Variants in CFAP299 observed in about 807,000 individuals in gnomAD.
CFAP299 encodes cilia- and flagella-associated protein 299.
CFAP299 carries 21 observed loss-of-function variants against 27.0 expected under a neutral mutation model. That is an observed-to-expected ratio of 0.78 (90% CI 0.55 to 1.12). CFAP299 has a LOEUF of 1.12. Ranked by LOEUF, CFAP299 falls within the 50% of genes most tolerant of loss-of-function variation. The pLI, the probability that CFAP299 is intolerant of heterozygous loss-of-function variation, is 0.00. For synonymous variants in CFAP299, 104 were observed against 98.1 expected (o/e 1.06, Z -0.36); for missense variants, 310 against 276.6 (o/e 1.12, Z -0.86).
At chr4:80,909,150 T>C (rs1735341857) in intron 4 of CFAP299, among the ~76,000 whole-genome samples, 1 of 152,102 alleles carries the variant, frequency 6.6e-6, no homozygotes, top group Admixed American at 6.6e-5. Flanking sequence ...GTTGTGAATT[T>C]GAATTCAGAT....
chr4:80,410,534 A>G (rs1478185873), intron 2 of CFAP299, among the ~76,000 whole-genome samples: 2 of 152,134 alleles, frequency 1.3e-5, no homozygotes, highest in African/African-American at 2.4e-5. Context: ...GGTATCTCTG[A>G]TCTCCTCCTA....
chr4:80,884,712 T>TAA (rs199910933), intron 4 of CFAP299, among the ~76,000 whole-genome samples: 5,447 of 140,478 alleles, frequency 0.039, 235 homozygotes, highest in African/African-American at 0.11. Flanking sequence ...TTATAAAAAA[T>TAA]AAAATAAACA....
intron 4 of CFAP299, among the ~76,000 whole-genome samples, chr4:80,937,308 C>CTTTTTTTTTTT (rs1736948672): frequency 2.2e-5 from 2 of 90,818 alleles, no homozygotes; most frequent in Non-Finnish European, 4.2e-5. Context: ...CTTTTTTTTT[C>CTTTTTTTTTTT]TTTCTTTTTT....
chr4:80,352,709 A>T (rs1263499117), intron 1 of CFAP299, among the ~76,000 whole-genome samples: 1 of 119,666 alleles, frequency 8.4e-6, no homozygotes, highest in South Asian at 3.0e-4. Context: ...GAAATCATAC[A>T]AAAGTATATT....
At chr4:80,853,142 T>C (rs1304434695) in intron 3 of CFAP299, among the ~76,000 whole-genome samples, 1 of 152,210 alleles carries the variant, frequency 6.6e-6, no homozygotes, top group Admixed American at 6.6e-5. Context: ...TTAATTCTCC[T>C]GTCTCAGCCT....
At chr4:80,821,100 A>G (rs1729679777) in intron 3 of CFAP299, among the ~76,000 whole-genome samples, 2 of 152,200 alleles carry the variant, frequency 1.3e-5, no homozygotes, top group Non-Finnish European at 2.9e-5. Flanking sequence ...CAATTGCACT[A>G]AGTGACTTGA....
intron 3 of CFAP299, among the ~76,000 whole-genome samples, chr4:80,683,380 G>A (rs1173850124): frequency 6.6e-6 from 1 of 152,062 alleles, no homozygotes; most frequent in Non-Finnish European, 1.5e-5. Context: ...CAAAAGTTCT[G>A]CATAAGTTCC....
At chr4:80,367,847 A>G (rs7695746) in intron 2 of CFAP299, among the ~76,000 whole-genome samples, 127,526 of 152,186 alleles carry the variant, frequency 0.84, 53,601 homozygotes, top group African/African-American at 0.9. Context: ...TAAGTGCCAG[A>G]TAATTTCTAT....
intron 3 of CFAP299, among the ~76,000 whole-genome samples, chr4:80,594,850 G>T (rs1399111520): frequency 5.5e-4 from 83 of 152,094 alleles, no homozygotes; most frequent in Non-Finnish European, 4.4e-5. Flanking sequence ...CGACACAAAA[G>T]CTGACTGTTA....
intron 3 of CFAP299, among the ~76,000 whole-genome samples, chr4:80,611,537 T>C (rs1026744157): frequency 6.6e-6 from 1 of 152,080 alleles, no homozygotes; most frequent in Non-Finnish European, 1.5e-5. Flanking sequence ...CATAATACCA[T>C]ACAGCAGGTG....
chr4:80,868,084 A>G (rs1732849546), intron 3 of CFAP299, among the ~76,000 whole-genome samples: 1 of 152,198 alleles, frequency 6.6e-6, no homozygotes, highest in Non-Finnish European at 1.5e-5. Flanking sequence ...GGAAAATTCC[A>G]GAACATCACA....
chr4:80,931,643 A>G (rs1736620082), intron 4 of CFAP299, among the ~76,000 whole-genome samples: 2 of 152,128 alleles, frequency 1.3e-5, no homozygotes, highest in South Asian at 4.2e-4. Context: ...CAGGAACCCA[A>G]AAAGACTGCA....
intron 2 of CFAP299, among the ~76,000 whole-genome samples, chr4:80,473,369 C>T (rs1730106430): frequency 6.6e-6 from 1 of 151,998 alleles, no homozygotes. Context: ...GGGCCAGTAT[C>T]ATTATTCCTT....
At position 80,963,667 on chromosome 4, in the gene CFAP299, C is replaced by A; in HGVS notation, c.*55C>A. 8.5e-7 allele frequency: 1 copy of A among 1,182,868 alleles called. No individual in the cohort carries two copies. The highest frequency in any genetic ancestry group is 1.2e-6 in the Non-Finnish European group (1 of 806,970). The allele number at this position is 1,182,868 out of a possible 1,614,324, so 73.3% of individuals were successfully genotyped here. A position where few individuals can be genotyped will look rare whatever the true frequency, so the allele number is the denominator to read the frequency against. ...GCTAAATTTAAATAAATTCCGTAGA[C>A]AGAGCAAATTAGAATAATAAATGAG... On this transcript the variant is annotated 3_prime_UTR_variant, in exon 6 of 6. Transcript: ENST00000358105.
chr4:80,818,583 T>C (rs987294222), intron 3 of CFAP299, among the ~76,000 whole-genome samples: 2 of 152,132 alleles, frequency 1.3e-5, no homozygotes, highest in Non-Finnish European at 2.9e-5. Flanking sequence ...AATGCATCAT[T>C]AGATAGTATT....
At chr4:80,450,968 T>G (rs932122385) in intron 2 of CFAP299, among the ~76,000 whole-genome samples, 24 of 151,766 alleles carry the variant, frequency 1.6e-4, no homozygotes, top group African/African-American at 4.4e-4. Flanking sequence ...AACAATTTTG[T>G]ACCCAGCCCT....
chr4:80,335,935 G>C (rs1722116258), intron 1 of CFAP299, 56 bp downstream of exon 1: 1 of 1,114,028 alleles, frequency 9.0e-7, no homozygotes, highest in African/African-American at 1.5e-5. Flanking sequence ...GTCCCTCCTC[G>C]AGTTCCCGCT....
intron 2 of CFAP299, among the ~76,000 whole-genome samples, chr4:80,496,615 G>T (rs992750538): frequency 6.6e-6 from 1 of 152,314 alleles, no homozygotes; most frequent in African/African-American, 2.4e-5. Flanking sequence ...ACCTCTGCCT[G>T]TTCCACAGTT....
chr4:80,610,858 T>A (rs1293838320), intron 3 of CFAP299, among the ~76,000 whole-genome samples: 6 of 152,062 alleles, frequency 3.9e-5, no homozygotes, highest in African/African-American at 1.4e-4. Context: ...TATATTGCTC[T>A]GGGTGGCTGA....
Sources: allele counts gnomAD v4.1 joint callset (sites outside exome capture counted in the v4.1 genomes callset), GRCh38; gene constraint gnomAD v4.1.1; transcripts MANE v1.5; gene names NCBI Gene and HGNC (gene_info 2026-07-23, HGNC 2026-07-21).